SNX25: variants seen among roughly 807,000 people sequenced by gnomAD.
The protein encoded by SNX25 is sorting nexin-25.
A neutral mutation model predicts 113.7 loss-of-function variants in SNX25; 62 were observed. The observed-to-expected ratio is 0.55, with a 90% CI of 0.44 to 0.67. SNX25 has a LOEUF of 0.67. Among genes scored for constraint, SNX25 ranks in the 30% least tolerant of loss-of-function variants. The probability of loss-of-function intolerance (pLI) is 0.00; values close to 1 mark genes in which losing one functional copy is unlikely to be tolerated. For missense variants in SNX25, 1,014 were observed against 1,161.0 expected (o/e 0.87, Z 1.84); for synonymous variants, 421 against 436.2 (o/e 0.97, Z 0.43).
chr4:185,250,835 T>G (rs961315208), intron 2 of SNX25, among the ~76,000 whole-genome samples: 1 of 152,054 alleles, frequency 6.6e-6, no homozygotes, highest in Non-Finnish European at 1.5e-5. Context: ...GATTTCCAAA[T>G]TATTTTCTAT....
chr4:185,332,642 T>A lies in SNX25; in HGVS notation c.1797T>A (p.Asn599Lys), dbSNP rs755131804. 6.2e-7 allele frequency: 1 copy of A among 1,614,008 alleles called. No homozygotes were observed. The highest frequency in any genetic ancestry group is 8.5e-7 in the Non-Finnish European group (1 of 1,179,982). ...AGGAAGCCGTGGATGATGGTACCAA[T>A]CAGATCAATGAACAAGCCAGTTTTG... ...AGEEAVDDGTNQINEQASFAV... is the reference protein window; with the variant it reads ...AGEEAVDDGTKQINEQASFAV... Residue 599 changes from asparagine to lysine, a missense_variant, in exon 10 of 19, where the codon AAT becomes AAA. Physicochemically the swap from Asn to Lys is moderately conservative, Grantham distance 94. Transcript: ENST00000652585.
chr4:185,320,228 A>T (rs1422077238), intron 7 of SNX25, among the ~76,000 whole-genome samples: 1 of 152,206 alleles, frequency 6.6e-6, no homozygotes, highest in African/African-American at 2.4e-5. Context: ...AAGCAGCCCA[A>T]ATGCCCATCA....
At chr4:185,269,726 T>C (rs938096140) in intron 5 of SNX25, among the ~76,000 whole-genome samples, 2 of 152,134 alleles carry the variant, frequency 1.3e-5, no homozygotes, top group Non-Finnish European at 2.9e-5. Flanking sequence ...CATCAGAGTT[T>C]TGTTGTTGTT....
Position 185,209,813 on chromosome 4 carries a change from G to A in SNX25, c.-14G>A, listed in dbSNP as rs1409659111. 1.0e-6 allele frequency: 1 copy of A among 983,830 alleles called. No homozygotes were observed. The highest frequency in any genetic ancestry group is 1.2e-6 in the Non-Finnish European group (1 of 829,356). The allele number at this position is 983,830 out of a possible 1,614,324, so 60.9% of individuals were successfully genotyped here. A position where few individuals can be genotyped will look rare whatever the true frequency, so the allele number is the denominator to read the frequency against. On this transcript the variant is annotated 5_prime_UTR_variant, in exon 1 of 19. Coordinates refer to ENST00000652585, the MANE Select transcript of SNX25 (RefSeq NM_001378034.2). The surrounding 1 kb of genome is among the most constrained non-coding windows in gnomAD (Gnocchi z 5.2). ...GCAGGAGATGTGCCTGTCCTTAGCG[G>A]CCCAGGAAGCAGCATGCACCCCGAT...
At chr4:185,346,463 A>G (rs1223689024) in intron 12 of SNX25, 74 bp from the exon 13 acceptor site, 2 of 1,031,988 alleles carry the variant, frequency 1.9e-6, no homozygotes, top group Non-Finnish European at 2.9e-6. Flanking sequence ...TTTTGTTCTA[A>G]TTGTTATTCT....
intron 2 of SNX25, among the ~76,000 whole-genome samples, chr4:185,249,742 C>T (rs1745377199): frequency 6.6e-6 from 1 of 151,864 alleles, no homozygotes; most frequent in Admixed American, 6.6e-5. Flanking sequence ...ATTTTTATTG[C>T]ACACTTTGTG....
intron 9 of SNX25, among the ~76,000 whole-genome samples, chr4:185,326,076 G>A (rs1200774504): frequency 6.6e-6 from 1 of 152,190 alleles, no homozygotes; most frequent in Non-Finnish European, 1.5e-5. Flanking sequence ...TCCAAATTCT[G>A]GAGAAAGTCA....
chr4:185,264,017 T>G (rs1190706681), intron 3 of SNX25, among the ~76,000 whole-genome samples: 1 of 152,200 alleles, frequency 6.6e-6, no homozygotes, highest in Non-Finnish European at 1.5e-5. Context: ...CTGTAGACTT[T>G]TTATCCTATT....
At chr4:185,243,746 CAT>C (rs1251587212) in intron 1 of SNX25, among the ~76,000 whole-genome samples, 2 of 151,956 alleles carry the variant, frequency 1.3e-5, no homozygotes, top group Admixed American at 6.6e-5. Context: ...TAGTGACAAA[CAT>C]ATGTTTGCAT....
At chr4:185,378,014 T>A in the SNX25 span, 7 of 1,244,924 alleles carry the variant, frequency 5.6e-6, no homozygotes, top group Non-Finnish European at 8.1e-6. Context: ...TTGTCTCGTT[T>A]GCTCTAGCAT....
chr4:185,291,820 C>G (rs976079294), intron 6 of SNX25, among the ~76,000 whole-genome samples: 1 of 152,194 alleles, frequency 6.6e-6, no homozygotes, highest in Non-Finnish European at 1.5e-5. Flanking sequence ...TTTATCTTAA[C>G]TTGATCACGT....
chr4:185,290,046 G>A (rs1751923005), intron 6 of SNX25, among the ~76,000 whole-genome samples: 1 of 152,106 alleles, frequency 6.6e-6, no homozygotes, highest in Non-Finnish European at 1.5e-5. Flanking sequence ...TCTTCACATT[G>A]TCCTTCTTTT....
intron 1 of SNX25, among the ~76,000 whole-genome samples, chr4:185,212,063 G>A (rs1237461604): frequency 6.6e-6 from 1 of 152,176 alleles, no homozygotes; most frequent in African/African-American, 2.4e-5. Flanking sequence ...GGTAATAGAA[G>A]AGGGGAAGTA....
intron 1 of SNX25, among the ~76,000 whole-genome samples, chr4:185,242,650 G>C (rs1744243907): frequency 6.6e-6 from 1 of 152,160 alleles, no homozygotes; most frequent in Non-Finnish European, 1.5e-5. Flanking sequence ...ATGTTCAGCT[G>C]TCCCGAAGCT....
chr4:185,224,502 A>G (rs1213557983), intron 1 of SNX25, among the ~76,000 whole-genome samples: 2 of 130,974 alleles, frequency 1.5e-5, no homozygotes, highest in Admixed American at 7.6e-5. Context: ...TAGATATATA[A>G]ATATATAGAT....
chr4:185,309,250 G>T (rs1401101180), intron 6 of SNX25, among the ~76,000 whole-genome samples: 1 of 152,164 alleles, frequency 6.6e-6, no homozygotes, highest in Non-Finnish European at 1.5e-5. Context: ...CTCGGGGCAG[G>T]TGAGCCACTT....
intron 6 of SNX25, among the ~76,000 whole-genome samples, chr4:185,300,694 G>GA (rs1458153889): frequency 6.7e-6 from 1 of 150,360 alleles, no homozygotes; most frequent in Non-Finnish European, 1.5e-5. Flanking sequence ...GCTATGGTTT[G>GA]AATATTTATG....
intron 5 of SNX25, among the ~76,000 whole-genome samples, chr4:185,284,972 G>A (rs115764639): frequency 3.7e-3 from 562 of 152,212 alleles, no homozygotes; most frequent in African/African-American, 0.011. Context: ...GTAGAGAAAC[G>A]GAAAGGTAAG....
intron 1 of SNX25, among the ~76,000 whole-genome samples, chr4:185,227,062 CTG>C (rs1284085818): frequency 1.3e-5 from 2 of 152,166 alleles, no homozygotes; most frequent in Non-Finnish European, 2.9e-5. Context: ...GACCAGGTGA[CTG>C]TATCAGTTTT....
Sources: gnomAD v4.1 joint callset for allele counts (sites outside exome capture counted in the v4.1 genomes callset) on GRCh38, gnomAD v4.1.1 for gene constraint, Gnocchi (gnomAD v3.1) non-coding constraint, MANE v1.5 for transcripts, NCBI Gene and HGNC (gene_info 2026-07-23, HGNC 2026-07-21) for gene names.